TBX15: variants seen among roughly 807,000 people sequenced by gnomAD.
TBX15 encodes T-box transcription factor TBX15.
Under a neutral mutation model 53.9 loss-of-function variants are expected in TBX15, and 18 were observed. That is an observed-to-expected ratio of 0.33 (90% CI 0.23 to 0.49). The LOEUF (loss-of-function observed/expected upper bound fraction) is 0.49. Among genes scored for constraint, TBX15 ranks in the 20% least tolerant of loss-of-function variants. The pLI, the probability that TBX15 is intolerant of heterozygous loss-of-function variation, is 0.98. For synonymous variants in TBX15, 295 were observed against 278.0 expected, an observed-to-expected ratio of 1.06 and a Z score of -0.61; for missense variants, 692 against 749.5, an observed-to-expected ratio of 0.92 and a Z score of 0.90.
At chr1:118,915,285 C>T (rs1028693007) in intron 5 of TBX15, among the ~76,000 whole-genome samples, 8 of 152,284 alleles carry the variant, frequency 5.3e-5, no homozygotes, top group East Asian at 1.9e-4. Flanking sequence ...AATTGTAGAA[C>T]GTATCACTAG....
At chr1:118,899,309 C>A (rs754588596) in intron 6 of TBX15, among the ~76,000 whole-genome samples, 184 bp from the exon 7 acceptor site, 3 of 152,100 alleles carry the variant, frequency 2.0e-5, no homozygotes, top group African/African-American at 4.8e-5. Context: ...GGGGGAATAA[C>A]AAATTAACCC....
At chr1:118,979,662 T>C (rs1557908461) in intron 1 of TBX15, among the ~76,000 whole-genome samples, 1 of 152,202 alleles carries the variant, frequency 6.6e-6, no homozygotes, top group East Asian at 1.9e-4. Flanking sequence ...TTCTGTTTTT[T>C]GGGGGGTGTC....
chr1:118,922,406 C>T (rs1202566520), intron 5 of TBX15, among the ~76,000 whole-genome samples: 2 of 152,172 alleles, frequency 1.3e-5, no homozygotes, highest in Non-Finnish European at 2.9e-5. Flanking sequence ...TCAGACCCAG[C>T]CACGGAGCAA....
At chr1:118,980,114 G>A (rs1353071001) in intron 1 of TBX15, among the ~76,000 whole-genome samples, 1 of 152,236 alleles carries the variant, frequency 6.6e-6, no homozygotes, top group African/African-American at 2.4e-5. Flanking sequence ...GCGGCGAAAC[G>A]GGATCTGAAA....
Position 118,884,754 on chromosome 1 carries a change from T to C in TBX15, c.1787A>G (p.Gln596Arg), listed in dbSNP as rs770592627. The C allele has an allele frequency of 1.2e-6, 2 of 1,614,072 alleles. No homozygotes were observed. The highest frequency in any genetic ancestry group is 1.7e-6 in the Non-Finnish European group (2 of 1,179,996). Reference protein sequence around the residue: ...QYGAVPGSSSQMSVHMV With the variant: ...QYGAVPGSSSRMSVHMV ...CCTTTAAACCATGTGCACGGACATCTGGGAGGAGGAGCCTGGAACTGCCCC... is the reference window on the plus strand; with the variant it reads ...CCTTTAAACCATGTGCACGGACATCCGGGAGGAGGAGCCTGGAACTGCCCC... The change falls in exon 8 of 8, where the codon CAG becomes CGG. Residue 596 changes from glutamine to arginine, a missense_variant. Gln to Arg is a conservative substitution (Grantham distance 43). Transcript: ENST00000369429.
intron 1 of TBX15, among the ~76,000 whole-genome samples, chr1:118,977,116 A>C (rs967623576): frequency 3.3e-5 from 5 of 152,234 alleles, no homozygotes; most frequent in African/African-American, 4.8e-5. Flanking sequence ...GCCCAAGGTC[A>C]TACAACTAGC....
At chr1:118,971,406 G>A (rs556618296) in intron 1 of TBX15, among the ~76,000 whole-genome samples, 2 of 152,256 alleles carry the variant, frequency 1.3e-5, no homozygotes, top group South Asian at 4.1e-4. Flanking sequence ...TCTGTAAAGT[G>A]GCTGTAGTGG....
intron 1 of TBX15, among the ~76,000 whole-genome samples, chr1:118,973,390 C>T (rs1657301999): frequency 6.6e-6 from 1 of 152,070 alleles, no homozygotes; most frequent in South Asian, 2.1e-4. Flanking sequence ...ATGCTCATCT[C>T]CCAACAGAGG....
chr1:118,919,999 A>T (rs540050470), intron 5 of TBX15, among the ~76,000 whole-genome samples: 1 of 152,194 alleles, frequency 6.6e-6, no homozygotes, highest in East Asian at 1.9e-4. Context: ...ACCATAAAAA[A>T]CTTCTCCATA....
At chr1:118,899,226 C>T (rs1654533665) in intron 6 of TBX15, 101 bp from the exon 7 acceptor site, 1 of 1,049,904 alleles carries the variant, frequency 9.5e-7, no homozygotes. Context: ...GTAATAAAAA[C>T]ATAGATACTA....
At chr1:118,965,665 T>C (rs1429001796) in intron 1 of TBX15, among the ~76,000 whole-genome samples, 1 of 152,158 alleles carries the variant, frequency 6.6e-6, no homozygotes, top group Non-Finnish European at 1.5e-5. Context: ...GGAAACAACC[T>C]GAAGGCTCGT....
chr1:118,919,773 C>G (rs1655362011), intron 5 of TBX15, among the ~76,000 whole-genome samples: 1 of 152,102 alleles, frequency 6.6e-6, no homozygotes, highest in Non-Finnish European at 1.5e-5. Context: ...AATCCCCCTC[C>G]CATTATTTGA....
intron 1 of TBX15, among the ~76,000 whole-genome samples, chr1:118,974,562 G>A (rs1337988792): frequency 6.6e-6 from 1 of 152,132 alleles, no homozygotes; most frequent in Admixed American, 6.6e-5. Context: ...CAGTGAACAG[G>A]TGTGCCAGAA....
intron 5 of TBX15, among the ~76,000 whole-genome samples, chr1:118,922,882 T>C (rs1461506507): frequency 6.6e-6 from 1 of 152,056 alleles, no homozygotes; most frequent in African/African-American, 2.4e-5. Context: ...TTCTACAAAG[T>C]AAATTCTGAT....
At chr1:118,941,953 ACTTT>A (rs1389974043) in intron 1 of TBX15, among the ~76,000 whole-genome samples, 1 of 152,196 alleles carries the variant, frequency 6.6e-6, no homozygotes, top group African/African-American at 2.4e-5. Context: ...ACTTTGTGAA[ACTTT>A]TATGAACTAT....
At chr1:118,939,433 AAAAC>A (rs1391022815) in intron 1 of TBX15, among the ~76,000 whole-genome samples, 748 of 74,634 alleles carry the variant, frequency 0.01, 106 homozygotes, top group East Asian at 0.054. Context: ...AAAAAAAAAA[AAAAC>A]AAAAACAGGA....
chr1:118,895,332 T>G (rs921060191), intron 7 of TBX15, among the ~76,000 whole-genome samples: 1 of 152,180 alleles, frequency 6.6e-6, no homozygotes, highest in African/African-American at 2.4e-5. Context: ...GCAGTTCTGG[T>G]GTCATTGGTC....
At chr1:118,943,177 GA>G (rs1350557818) in intron 1 of TBX15, among the ~76,000 whole-genome samples, 2 of 152,186 alleles carry the variant, frequency 1.3e-5, no homozygotes, top group Non-Finnish European at 2.9e-5. Context: ...ATTTGGAACA[GA>G]AAATGACCAT....
chr1:118,970,124 G>T (rs1210737977), intron 1 of TBX15, among the ~76,000 whole-genome samples: 1 of 152,202 alleles, frequency 6.6e-6, no homozygotes, highest in African/African-American at 2.4e-5. Context: ...AGTTTCCTGA[G>T]GCTTCCCCAG....
Sources: gnomAD v4.1 joint callset for allele counts (sites outside exome capture counted in the v4.1 genomes callset) on GRCh38, gnomAD v4.1.1 for gene constraint, MANE v1.5 for transcripts, NCBI Gene and HGNC (gene_info 2026-07-23, HGNC 2026-07-21) for gene names.